Variants in GIGYF2 observed in about 807,000 individuals in gnomAD.
GIGYF2 encodes GRB10 interacting GYF protein 2.
GIGYF2 carries 25 observed loss-of-function variants against 208.1 expected under a neutral mutation model. That is an observed-to-expected ratio of 0.12 (90% CI 0.09 to 0.17). GIGYF2 has a LOEUF of 0.17. GIGYF2 is among the 10% of genes least tolerant of loss of function. GIGYF2 has a pLI of 1.00. For synonymous variants in GIGYF2, 534 were observed against 543.8 expected (o/e 0.98, Z 0.25); for missense variants, 1,302 against 1,579.4 (o/e 0.82, Z 2.98).
rs550942369 is a variant in GIGYF2, at chr2:232,702,042, G to A, written c.-109-1382G>A. 2.6e-5 allele frequency among the ~76,000 whole-genome samples: 4 copies of A among 152,250 alleles called. No homozygotes were observed. The South Asian group carries it at 6.2e-4, about 24-fold the overall frequency. On this transcript the variant is annotated intron_variant, in intron 1 of 28. Transcript: ENST00000373563. ...TAGCTGAGTATGGTGGTGCACGCCT[G>A]TAGTCACAGCTACTCAGGAGGCTGA...
intron 2 of GIGYF2, among the ~76,000 whole-genome samples, chr2:232,707,214 A>C (rs1023569331): frequency 6.6e-6 from 1 of 152,216 alleles, no homozygotes; most frequent in Non-Finnish European, 1.5e-5. Context: ...TGTGGCTAGT[A>C]TCTTCTTCGG....
At chr2:232,713,223 C>G (rs1574779240) in intron 2 of GIGYF2, among the ~76,000 whole-genome samples, 1 of 151,962 alleles carries the variant, frequency 6.6e-6, no homozygotes, top group Admixed American at 6.6e-5. Flanking sequence ...TTACAAGCAC[C>G]CGCCATCATG....
intron 3 of GIGYF2, among the ~76,000 whole-genome samples, chr2:232,742,745 G>A (rs1226148653): frequency 6.6e-6 from 1 of 152,164 alleles, no homozygotes; most frequent in Non-Finnish European, 1.5e-5. Flanking sequence ...ATGAGAGATG[G>A]TAGAAGGTGA....
intron 8 of GIGYF2, among the ~76,000 whole-genome samples, chr2:232,785,918 T>G (rs1170864416): frequency 1.3e-5 from 2 of 152,288 alleles, no homozygotes; most frequent in African/African-American, 4.8e-5. Flanking sequence ...GAACTTGAAC[T>G]TTTATTGTTA....
chr2:232,757,613 T>C (rs965611038), intron 6 of GIGYF2, among the ~76,000 whole-genome samples: 1 of 152,032 alleles, frequency 6.6e-6, no homozygotes, highest in Non-Finnish European at 1.5e-5. Context: ...ATTTCCTGTG[T>C]TTTTCTGCTG....
intron 21 of GIGYF2, among the ~76,000 whole-genome samples, chr2:232,831,444 T>C (rs1701422857): frequency 6.6e-6 from 1 of 152,268 alleles, no homozygotes; most frequent in Admixed American, 6.5e-5. Context: ...GTTACTGTGC[T>C]TGTTTTCTGG....
intron 8 of GIGYF2, among the ~76,000 whole-genome samples, chr2:232,762,798 C>G (rs946088592): frequency 1.3e-5 from 2 of 151,968 alleles, no homozygotes; most frequent in Non-Finnish European, 2.9e-5. Context: ...AATCCCAGTG[C>G]TTTGGGAGGC....
At chr2:232,820,441 A>C (rs1701044106) in intron 21 of GIGYF2, among the ~76,000 whole-genome samples, 1 of 151,562 alleles carries the variant, frequency 6.6e-6, no homozygotes, top group South Asian at 2.1e-4. Context: ...TAGCCTCCCA[A>C]GTAGCTGGGA....
intron 5 of GIGYF2, among the ~76,000 whole-genome samples, chr2:232,755,607 C>T (rs574223681): frequency 6.6e-6 from 1 of 152,326 alleles, no homozygotes; most frequent in African/African-American, 2.4e-5. Context: ...AGGTTAATAA[C>T]TGAGTGATTG....
At chr2:232,816,432 T>G (rs897457757) in intron 19 of GIGYF2, among the ~76,000 whole-genome samples, 1 of 152,226 alleles carries the variant, frequency 6.6e-6, no homozygotes, top group African/African-American at 2.4e-5. Flanking sequence ...ATAGCCACAC[T>G]GTTAAATGTT....
Position 232,761,440 on chromosome 2 carries a change from A to C in GIGYF2, c.532+4A>C. 6.4e-7 allele frequency: 1 copy of C among 1,572,206 alleles called. No individual in the cohort carries two copies. Among genetic ancestry groups the C allele is most frequent in the Non-Finnish European group, 8.8e-7 (1 of 1,142,386 alleles). On this transcript the variant is annotated splice_donor_region_variant and intron_variant, in intron 8 of 28. Transcript: ENST00000373563. The stretch of plus-strand genomic sequence containing the variant: ...AAACCAGGACGAAAAGATGTAGGTA[A>C]GGTTCTTACCTACACACATAAGGAT...
chr2:232,832,640 T>A (rs1701457413), intron 21 of GIGYF2, among the ~76,000 whole-genome samples: 2 of 152,190 alleles, frequency 1.3e-5, no homozygotes. Flanking sequence ...TGACAGTCCT[T>A]TAATTAAAAT....
chr2:232,801,165 T>C (rs1180970726), intron 14 of GIGYF2, among the ~76,000 whole-genome samples: 4 of 152,334 alleles, frequency 2.6e-5, no homozygotes, highest in Non-Finnish European at 5.9e-5. Context: ...CACCTTGGCC[T>C]CCCAAAGAGG....
rs375832791 is a variant in GIGYF2 at position 232,720,425 on chromosome 2, G to C, written c.-43-14730G>C. 7.9e-5 allele frequency among the ~76,000 whole-genome samples: 12 copies of C among 152,224 alleles called. No individual in the cohort carries two copies. The East Asian group carries it at 2.3e-3, about 29-fold the overall frequency. On this transcript the variant is annotated intron_variant, in intron 2 of 28. Transcript: ENST00000373563. ...TATGTGTGCATGTGTCTTTATAGTA[G>C]CATGATTTATAATCCTTTGGGTATA...
rs76172560 is a variant in GIGYF2, at chr2:232,821,673, A to G, written c.2529+1688A>G. Among the ~76,000 whole-genome samples the G allele has an allele frequency of 7.8e-3, 1,181 of 152,288 alleles. 7 individuals are homozygous for G. The highest frequency in any genetic ancestry group is 0.012 in the Non-Finnish European group (789 of 68,028). On this transcript the variant is annotated intron_variant, in intron 21 of 28. Transcript: ENST00000373563. The stretch of plus-strand genomic sequence containing the variant: ...TTCCTAGGGGGATCTTTTGATAAGC[A>G]GAGATTTTTAATTTTGATGAAATCC...
At chr2:232,755,395 TC>T (rs1398855477) in intron 5 of GIGYF2, among the ~76,000 whole-genome samples, 1 of 152,176 alleles carries the variant, frequency 6.6e-6, no homozygotes, top group Non-Finnish European at 1.5e-5. Context: ...AGTCTCGAAC[TC>T]CTGACCTCAT....
chr2:232,790,018 T>A (rs1700025668), intron 9 of GIGYF2, among the ~76,000 whole-genome samples: 1 of 152,104 alleles, frequency 6.6e-6, no homozygotes, highest in South Asian at 2.1e-4. Flanking sequence ...GGGTGCAGAA[T>A]TGGATTTTAG....
intron 14 of GIGYF2, 128 bp downstream of exon 14, chr2:232,796,349 C>T (rs148821235): frequency 2.0e-5 from 14 of 717,352 alleles, no homozygotes; most frequent in East Asian, 1.9e-4. Flanking sequence ...CGCGCACACA[C>T]GCAGACTAGA....
At chr2:232,733,888 A>G (rs988960157) in intron 2 of GIGYF2, among the ~76,000 whole-genome samples, 2 of 152,110 alleles carry the variant, frequency 1.3e-5, no homozygotes, top group Admixed American at 6.6e-5. Context: ...CAATTAAAAA[A>G]TTTTTTTCCA....
Sources: allele counts gnomAD v4.1 joint callset (sites outside exome capture counted in the v4.1 genomes callset), GRCh38; gene constraint gnomAD v4.1.1; transcripts MANE v1.5; gene names NCBI Gene and HGNC (gene_info 2026-07-23, HGNC 2026-07-21).